Variants in DPP6 observed in about 807,000 individuals in gnomAD.
DPP6 encodes A-type potassium channel modulatory protein DPP6.
DPP6 carries 69 observed loss-of-function variants against 122.6 expected under a neutral mutation model. The ratio of observed to expected loss-of-function variants is 0.56; its 90% confidence interval spans 0.46 to 0.69. The LOEUF (loss-of-function observed/expected upper bound fraction) is 0.69, where lower values mean the gene tolerates loss of function less well. Ranked by LOEUF, DPP6 falls within the 30% of genes least tolerant of loss-of-function variation. The probability of loss-of-function intolerance (pLI) is 0.00; values close to 1 mark genes in which losing one functional copy is unlikely to be tolerated. For synonymous variants in DPP6, 418 were observed against 433.1 expected (o/e 0.97, Z 0.43); for missense variants, 928 against 1,116.9 (o/e 0.83, Z 2.41).
the DPP6 span, among the ~76,000 whole-genome samples, chr7:153,871,736 G>A: frequency 2.1e-3 from 323 of 152,280 alleles, 1 homozygote; most frequent in African/African-American, 7.1e-3. Context: ...CCCACCTTCT[G>A]CGTCGCTCAC....
intron 1 of DPP6, among the ~76,000 whole-genome samples, chr7:154,063,047 AC>A (rs1196390906): frequency 6.3e-5 from 8 of 126,090 alleles, no homozygotes; most frequent in African/African-American, 8.7e-5. Flanking sequence ...AGGGGGAGGC[AC>A]CCCCCACGAG....
chr7:154,039,199 G>A lies in DPP6; in HGVS notation c.51+151465G>A, dbSNP rs1367149401. Among the ~76,000 whole-genome samples the A allele has an allele frequency of 5.4e-5, 7 of 128,790 alleles. No individual in the cohort carries two copies. The South Asian group carries it at 1.3e-3, about 25-fold the overall frequency. The allele number at this position is 128,790 out of a possible 152,430, so 84.5% of individuals were successfully genotyped here. ...AACCCTTCATGGGATGAGAGTTTAC[G>A]AATAAATTCAGAGTTCATCTGGAGG... is the stretch of plus-strand genomic sequence containing the variant. On this transcript the variant is annotated intron_variant, in intron 1 of 25. Coordinates refer to the DPP6 transcript ENST00000404039.
chr7:154,034,989 A>T (rs2129056144), intron 1 of DPP6, among the ~76,000 whole-genome samples: 1 of 151,542 alleles, frequency 6.6e-6, no homozygotes, highest in South Asian at 2.1e-4. Context: ...AAATGGACAA[A>T]GCCCATGGCT....
At chr7:154,834,944 G>T (rs1321754208) in intron 16 of DPP6, among the ~76,000 whole-genome samples, 1 of 152,118 alleles carries the variant, frequency 6.6e-6, no homozygotes, top group East Asian at 1.9e-4. Flanking sequence ...CTGGCTTGGG[G>T]GTGTCTGAAA....
chr7:154,541,323 T>C (rs990780561), intron 4 of DPP6, among the ~76,000 whole-genome samples: 2 of 151,888 alleles, frequency 1.3e-5, no homozygotes, highest in African/African-American at 4.8e-5. Flanking sequence ...TTTGTAGAGA[T>C]AGGGTCTCAC....
intron 20 of DPP6, 25 bp downstream of exon 20, chr7:154,876,125 A>C: frequency 6.5e-7 from 1 of 1,549,628 alleles, no homozygotes; most frequent in Non-Finnish European, 8.7e-7. Flanking sequence ...AGGAAGCAGG[A>C]GAGGCCGGGA....
chr7:154,119,144 GA>G (rs1211037577), intron 1 of DPP6, among the ~76,000 whole-genome samples: 4 of 152,134 alleles, frequency 2.6e-5, no homozygotes, highest in Non-Finnish European at 4.4e-5. Flanking sequence ...GAGTTTCTCA[GA>G]ATCTCTTTCC....
chr7:153,896,509 A>C (rs552272319), intron 1 of DPP6, among the ~76,000 whole-genome samples: 1 of 152,162 alleles, frequency 6.6e-6, no homozygotes, highest in Non-Finnish European at 1.5e-5. Flanking sequence ...CACATGAACA[A>C]TTTATCTTTA....
intron 1 of DPP6, among the ~76,000 whole-genome samples, chr7:154,135,935 A>C (rs1338647497): frequency 2.1e-5 from 3 of 142,474 alleles, no homozygotes; most frequent in South Asian, 2.3e-4. Flanking sequence ...CACTTCCTCT[A>C]TGCACTTCCT....
rs550383164 is a variant in DPP6, at chr7:154,843,643, C to T, written c.1667-10137C>T. On this transcript the variant is annotated intron_variant, in intron 16 of 25. Transcript: ENST00000377770. ...TCTAAGAGCCGAGTGCAGTACCAGG[C>T]AGATAGTAGGAAAAAAATGTTGGCT... is the stretch of plus-strand genomic sequence containing the variant. Among the ~76,000 whole-genome samples, 9 of 152,308 alleles carry T rather than the reference C, an allele frequency of 5.9e-5. No individual in the cohort carries two copies. In the East Asian group the frequency reaches 1.4e-3, roughly 23 times the overall value.
chr7:153,829,367 C>T, the DPP6 span, among the ~76,000 whole-genome samples: 1 of 152,102 alleles, frequency 6.6e-6, no homozygotes, highest in Non-Finnish European at 1.5e-5. Context: ...AGGTGCATGC[C>T]ACCATGCCTG....
At chr7:153,951,667 T>A (rs1488589370) in intron 1 of DPP6, among the ~76,000 whole-genome samples, 1 of 152,184 alleles carries the variant, frequency 6.6e-6, no homozygotes, top group Non-Finnish European at 1.5e-5. Context: ...TATTTCTGGA[T>A]ACTATCCTAA....
At chr7:153,813,529 G>A in the DPP6 span, among the ~76,000 whole-genome samples, 1 of 152,120 alleles carries the variant, frequency 6.6e-6, no homozygotes, top group Non-Finnish European at 1.5e-5. Context: ...ATAGTCGTCT[G>A]GGTATATACC....
At chr7:153,961,567 G>T (rs1338279598) in intron 1 of DPP6, among the ~76,000 whole-genome samples, 1 of 151,068 alleles carries the variant, frequency 6.6e-6, no homozygotes, top group African/African-American at 2.4e-5. Flanking sequence ...CGGGGAGTGG[G>T]GTGGGGTGGG....
At chr7:154,661,848 A>G (rs10248100) in intron 6 of DPP6, among the ~76,000 whole-genome samples, 11 of 147,366 alleles carry the variant, frequency 7.5e-5, no homozygotes, top group South Asian at 2.1e-4. Flanking sequence ...ACCATGGCAT[A>G]TTGGCCATAG....
chr7:154,013,150 C>T (rs1369561053), intron 1 of DPP6, among the ~76,000 whole-genome samples: 1 of 152,240 alleles, frequency 6.6e-6, no homozygotes, highest in South Asian at 2.1e-4. Flanking sequence ...CCCCCTCATG[C>T]TTCCCCCTTC....
At chr7:154,763,355 GGA>G (rs5888592) in intron 8 of DPP6, among the ~76,000 whole-genome samples, 86,478 of 145,902 alleles carry the variant, frequency 0.59, 25,596 homozygotes, top group Non-Finnish European at 0.62. Context: ...AAGGAAGGAA[GGA>G]GAGAGAGAGA....
chr7:153,806,273 C>A, the DPP6 span, among the ~76,000 whole-genome samples: 1 of 151,994 alleles, frequency 6.6e-6, no homozygotes, highest in Non-Finnish European at 1.5e-5. Flanking sequence ...CTGTTCCCAG[C>A]TCCTCCACCA....
chr7:154,671,864 G>GCACACACA (rs1271644551), intron 7 of DPP6, among the ~76,000 whole-genome samples: 1 of 73,366 alleles, frequency 1.4e-5, no homozygotes, highest in African/African-American at 4.1e-5. Flanking sequence ...ACACACACAT[G>GCACACACA]CACACACACA....
Sources: allele counts gnomAD v4.1 joint callset (sites outside exome capture counted in the v4.1 genomes callset), GRCh38; gene constraint gnomAD v4.1.1; transcripts MANE v1.5; gene names NCBI Gene and HGNC (gene_info 2026-07-23, HGNC 2026-07-21).